ZNF84: variants seen among roughly 807,000 people sequenced by gnomAD.
The protein encoded by ZNF84 is zinc finger protein HPF2.
A neutral mutation model predicts 14.8 loss-of-function variants in ZNF84; 12 were observed. That is an observed-to-expected ratio of 0.81 (90% confidence interval 0.52 to 1.31). The LOEUF (loss-of-function observed/expected upper bound fraction) is 1.31, where lower values mean the gene tolerates loss of function less well. Among genes scored for constraint, ZNF84 ranks in the 50% most tolerant of loss-of-function variants. The pLI is 0.00. For missense variants in ZNF84, 859 were observed against 878.6 expected, an observed-to-expected ratio of 0.98 and a Z score of 0.28; for synonymous variants, 347 against 291.1, an observed-to-expected ratio of 1.19 and a Z score of -1.96.
At chr12:133,048,914 G>T in intron 4 of ZNF84, 66 bp downstream of exon 4, 1 of 1,382,032 alleles carries the variant, frequency 7.2e-7, no homozygotes, top group Non-Finnish European at 1.0e-6. Flanking sequence ...TCAGTGACGG[G>T]TGGGCTAGTC....
At chr12:133,041,957 G>T (rs1030477259) in intron 2 of ZNF84, among the ~76,000 whole-genome samples, 1 of 152,116 alleles carries the variant, frequency 6.6e-6, no homozygotes, top group Non-Finnish European at 1.5e-5. Flanking sequence ...ATTTCCCATG[G>T]TTTGAAAATA....
intron 4 of ZNF84, among the ~76,000 whole-genome samples, chr12:133,052,272 A>AG (rs1954083126): frequency 6.6e-6 from 1 of 152,136 alleles, no homozygotes; most frequent in African/African-American, 2.4e-5. Flanking sequence ...CCCTCTCACT[A>AG]TGTGTTCACA....
At chr12:133,037,567 C>A (rs1009336659) in intron 1 of ZNF84, 22 bp downstream of exon 1, 5 of 152,036 alleles carry the variant, frequency 3.3e-5, no homozygotes, top group African/African-American at 9.7e-5. Flanking sequence ...GAGTTTATTG[C>A]GGGCCCGGCG....
intron 4 of ZNF84, 45 bp downstream of exon 4, chr12:133,048,893 A>T: frequency 6.6e-7 from 1 of 1,514,554 alleles, no homozygotes; most frequent in Non-Finnish European, 9.1e-7. Context: ...CAGAAGCCCC[A>T]TGTCATCTGG....
At position 133,057,344 on chromosome 12, in the gene ZNF84, G is replaced by A. The variant is rs966873460; in HGVS notation, c.629G>A (p.Ser210Asn). The change falls in exon 5 of 5, where the codon AGT becomes AAT. Residue 210 changes from serine (S) to asparagine (N), a missense_variant. Ser to Asn is a conservative substitution (Grantham distance 46). Transcript: ENST00000539354. Reference sequence around the variant, plus strand: ...TTAGGGGAGAAACTCTATGAATGCAGTGAATGTAGGAAGCGCTTCAGTAAG... The same window carrying A: ...TTAGGGGAGAAACTCTATGAATGCAATGAATGTAGGAAGCGCTTCAGTAAG... The part of the protein sequence containing the change: ...NRLGEKLYEC[S>N]ECRKRFSKKP... The A allele has an allele frequency of 3.1e-6, 5 of 1,613,678 alleles. No homozygotes were observed. Among genetic ancestry groups the A allele is most frequent in the Non-Finnish European group, 4.2e-6 (5 of 1,179,970 alleles).
At position 133,058,826 on chromosome 12, in the gene ZNF84, T is replaced by C; in HGVS notation, c.2111T>C (p.Ile704Thr). The C allele has an allele frequency of 6.2e-7, 1 of 1,613,916 alleles. No individual in the cohort carries two copies. Residue 704 changes from isoleucine to threonine, a missense_variant, in exon 5 of 5, where the codon ATT (isoleucine) becomes ACT (threonine). Transcript: ENST00000539354. The stretch of plus-strand genomic sequence containing the variant: ...TCACAGCTGGTTAATCATCAGAGAA[T>C]TCATACAGGAGAGAAGCCTTATCGA... ...QKSQLVNHQR[I>T]HTGEKPYRCI...
Position 133,056,966 on chromosome 12 carries a change from T to A in ZNF84, c.251T>A (p.Val84Glu). ...GTTTCCTTTATAGAAGTCTGGAAAG[T>A]AGATGGTAACATGATGTGGCACCAG... Reference protein sequence around the residue: ...PSSDSPEVWKVDGNMMWHQDN... With the variant: ...PSSDSPEVWKEDGNMMWHQDN... Residue 84 changes from valine to glutamate, a missense_variant, in exon 5 of 5, where the codon GTA becomes GAA. Physicochemically the swap from Val to Glu is moderately radical, Grantham distance 121. Transcript: ENST00000539354. 1.9e-6 allele frequency: 3 copies of A among 1,575,954 alleles called. No homozygotes were observed. Among genetic ancestry groups the A allele is most frequent in the Non-Finnish European group, 2.6e-6 (3 of 1,166,936 alleles).
intron 2 of ZNF84, among the ~76,000 whole-genome samples, chr12:133,044,434 C>T (rs753217032): frequency 2.6e-3 from 395 of 151,798 alleles, no homozygotes; most frequent in Non-Finnish European, 4.0e-3. Flanking sequence ...AAATTATAGG[C>T]ATGAGCCAGC....
In ZNF84 at chr12:133,060,271, A is replaced by T. The variant is rs1227025299; in HGVS notation, c.*1339A>T. The T allele has an allele frequency of 6.6e-6, 1 of 152,206 alleles. No individual in the cohort carries two copies. Among genetic ancestry groups the T allele is most frequent in the Non-Finnish European group, 1.5e-5 (1 of 68,026 alleles). The allele number at this position is 152,206 out of a possible 1,614,324, so 9.4% of individuals were successfully genotyped here. A position where few individuals can be genotyped will look rare whatever the true frequency, so the allele number is the denominator to read the frequency against. ...ATTAGATGGATAAATGAATTATTAA[A>T]AAATCACATTTCTGAAGATGTAAAG... is the stretch of plus-strand genomic sequence containing the variant. On this transcript the variant is annotated 3_prime_UTR_variant, in exon 5 of 5. Coordinates refer to ENST00000539354, the MANE Select transcript of ZNF84 (RefSeq NM_001289971.2).
intron 4 of ZNF84, 66 bp downstream of exon 4, chr12:133,048,914 G>A: frequency 3.6e-6 from 5 of 1,382,032 alleles, no homozygotes; most frequent in South Asian, 1.2e-5. Flanking sequence ...TCAGTGACGG[G>A]TGGGCTAGTC....
In ZNF84 at chr12:133,059,859, A is replaced by G. The variant is rs1299972064; in HGVS notation, c.*927A>G. On this transcript the variant is annotated 3_prime_UTR_variant, in exon 5 of 5. Coordinates refer to ENST00000539354, the MANE Select transcript of ZNF84 (RefSeq NM_001289971.2). The stretch of plus-strand genomic sequence containing the variant: ...CGTTTCTTTTAACTTATAGACATAC[A>G]TAAGGGGTCTTTTGTTTTTATGGAC... The G allele has an allele frequency of 6.6e-6, 1 of 152,230 alleles. No individual in the cohort carries two copies. The highest frequency in any genetic ancestry group is 1.5e-5 in the Non-Finnish European group (1 of 68,030). 9.4% of individuals were successfully genotyped at this position (152,230 alleles called of 1,614,324 possible).
Position 133,047,978 on chromosome 12 carries a change from A to G in ZNF84, c.39A>G (p.Leu13=). The G allele has an allele frequency of 6.2e-7, 1 of 1,614,070 alleles. No individual in the cohort carries two copies. The highest frequency in any genetic ancestry group is 1.3e-5 in the African/African-American group (1 of 75,036). ...AGGAGTCATTCTCATTTGACGATTTATCTGTGGACTTCACCCAAAAGGAGT... is the reference window on the plus strand; with the variant it reads ...AGGAGTCATTCTCATTTGACGATTTGTCTGTGGACTTCACCCAAAAGGAGT... ...MLQESFSFDD[L]SVDFTQKEWQ... The change falls in exon 3 of 5, where the codon TTA becomes TTG. Residue 13 remains leucine, a synonymous_variant. Coordinates refer to ENST00000539354, the MANE Select transcript of ZNF84 (RefSeq NM_001289971.2).
intron 4 of ZNF84, among the ~76,000 whole-genome samples, chr12:133,049,099 A>T (rs1390861779): frequency 2.0e-5 from 3 of 152,220 alleles, no homozygotes; most frequent in African/African-American, 7.2e-5. Context: ...TAGCTACTCA[A>T]GTAAGTCACA....
chr12:133,040,246 A>G (rs1181190578), intron 1 of ZNF84, among the ~76,000 whole-genome samples: 1 of 152,052 alleles, frequency 6.6e-6, no homozygotes, highest in Non-Finnish European at 1.5e-5. Context: ...TGACCAGATG[A>G]TAACATACCA....
Position 133,041,287 on chromosome 12 carries a change from C to A in ZNF84, c.-181C>A. On this transcript the variant is annotated 5_prime_UTR_variant, in exon 2 of 5. Coordinates refer to ENST00000539354, the MANE Select transcript of ZNF84 (RefSeq NM_001289971.2). The stretch of plus-strand genomic sequence containing the variant: ...TACATTTCTCCCGAAGTCCACAGAT[C>A]CTGGTCCCTACAAATAAGCCTGCTC... 1 of 619,288 alleles carries A rather than the reference C, an allele frequency of 1.6e-6. No homozygotes were observed. Among genetic ancestry groups the A allele is most frequent in the South Asian group, 2.0e-5 (1 of 48,816 alleles). The allele number at this position is 619,288 out of a possible 1,614,324, so 38.4% of individuals were successfully genotyped here.
At chr12:133,051,203 A>T (rs1954063315) in intron 4 of ZNF84, among the ~76,000 whole-genome samples, 2 of 151,722 alleles carry the variant, frequency 1.3e-5, no homozygotes, top group Non-Finnish European at 2.9e-5. Flanking sequence ...AGATCCACTC[A>T]CCTAGTGGGT....
intron 2 of ZNF84, among the ~76,000 whole-genome samples, chr12:133,046,532 C>T (rs1953982264): frequency 6.6e-6 from 1 of 151,926 alleles, no homozygotes; most frequent in Admixed American, 6.6e-5. Context: ...GCTTTTTATC[C>T]ACACTGTGCT....
intron 4 of ZNF84, among the ~76,000 whole-genome samples, chr12:133,052,268 C>T (rs2137392238): frequency 6.6e-6 from 1 of 152,326 alleles, no homozygotes; most frequent in Admixed American, 6.5e-5. Context: ...GCCACCCTCT[C>T]ACTATGTGTT....
At chr12:133,054,353 A>G (rs1954116080) in intron 4 of ZNF84, among the ~76,000 whole-genome samples, 1 of 152,278 alleles carries the variant, frequency 6.6e-6, no homozygotes, top group South Asian at 2.1e-4. Flanking sequence ...CTGCACTTCA[A>G]TATGGGCGAC....
Sources: gnomAD v4.1 joint callset for allele counts (sites outside exome capture counted in the v4.1 genomes callset) on GRCh38, gnomAD v4.1.1 for gene constraint, MANE v1.5 for transcripts, NCBI Gene and HGNC (gene_info 2026-07-23, HGNC 2026-07-21) for gene names.